ZNF385D: variants seen among roughly 807,000 people sequenced by gnomAD.
ZNF385D encodes zinc finger protein 385D.
ZNF385D carries 15 observed loss-of-function variants against 35.8 expected under a neutral mutation model. The ratio of observed to expected loss-of-function variants is 0.42; its 90% CI spans 0.28 to 0.64. ZNF385D has a LOEUF of 0.64. ZNF385D is among the 30% of genes least tolerant of loss of function. ZNF385D has a pLI of 0.23. For synonymous variants in ZNF385D, 212 were observed against 186.8 expected, an observed-to-expected ratio of 1.13 and a Z score of -1.10; for missense variants, 474 against 494.6, an observed-to-expected ratio of 0.96 and a Z score of 0.39.
At chr3:22,025,158 C>A (rs559849313) in intron 3 of ZNF385D, among the ~76,000 whole-genome samples, 1 of 152,134 alleles carries the variant, frequency 6.6e-6, no homozygotes, top group Non-Finnish European at 1.5e-5. Flanking sequence ...GAAGGAACAG[C>A]TTCCCCATCC....
At chr3:21,793,490 C>T (rs778960057) in intron 3 of ZNF385D, among the ~76,000 whole-genome samples, 1 of 152,162 alleles carries the variant, frequency 6.6e-6, no homozygotes, top group South Asian at 2.1e-4. Flanking sequence ...TTAGAATTTG[C>T]ATTTTAACAA....
At chr3:22,158,528 G>A (rs1471272383) in intron 3 of ZNF385D, among the ~76,000 whole-genome samples, 3 of 151,856 alleles carry the variant, frequency 2.0e-5, no homozygotes, top group African/African-American at 7.3e-5. Context: ...AAATACTATC[G>A]CAATTTTGGA....
chr3:22,272,175 T>C (rs1385680834), intron 2 of ZNF385D, among the ~76,000 whole-genome samples: 1 of 152,074 alleles, frequency 6.6e-6, no homozygotes, highest in Admixed American at 6.6e-5. Flanking sequence ...AGCAAGCCAG[T>C]AATAACGACG....
intron 1 of ZNF385D, among the ~76,000 whole-genome samples, chr3:21,741,593 C>G (rs2069517600): frequency 6.6e-6 from 1 of 151,342 alleles, no homozygotes; most frequent in Non-Finnish European, 1.5e-5. Context: ...GGGAGAAATC[C>G]TAATAATTCT....
chr3:21,874,795 A>G (rs1416600659), intron 3 of ZNF385D, among the ~76,000 whole-genome samples: 1 of 152,080 alleles, frequency 6.6e-6, no homozygotes, highest in Non-Finnish European at 1.5e-5. Flanking sequence ...ATTTTAATTG[A>G]GATTGCACTG....
chr3:21,746,874 T>G lies in ZNF385D; in HGVS notation c.22+4021A>C, dbSNP rs181350335. Among the ~76,000 whole-genome samples, 4 of 152,268 alleles carry G rather than the reference T, an allele frequency of 2.6e-5. No individual in the cohort carries two copies. The East Asian group carries it at 7.7e-4, about 29-fold the overall frequency. On this transcript the variant is annotated intron_variant, in intron 1 of 7. Transcript: ENST00000281523. ...TTAAATATTTTTCTAACACACTAGT[T>G]TGGAGGTGAACTTGATGGTCCAGCT...
intron 3 of ZNF385D, among the ~76,000 whole-genome samples, chr3:21,799,305 T>C (rs1180869831): frequency 1.3e-5 from 2 of 152,188 alleles, no homozygotes; most frequent in Non-Finnish European, 2.9e-5. Context: ...GGGATCTACC[T>C]AAGAGTGGAA....
At chr3:22,045,544 A>C (rs1698942992) in intron 3 of ZNF385D, among the ~76,000 whole-genome samples, 1 of 152,124 alleles carries the variant, frequency 6.6e-6, no homozygotes, top group Admixed American at 6.6e-5. Context: ...AGGTATTTAG[A>C]AATTCAGGTG....
chr3:22,111,185 T>TTTTTTTTTTG (rs1559377211), intron 3 of ZNF385D, among the ~76,000 whole-genome samples: 1 of 122,096 alleles, frequency 8.2e-6, no homozygotes. Flanking sequence ...TTGTTTTTTT[T>TTTTTTTTTTG]GTACTCTCAG....
intron 2 of ZNF385D, among the ~76,000 whole-genome samples, chr3:21,583,937 A>G (rs1327494315): frequency 7.7e-6 from 1 of 129,298 alleles, no homozygotes; most frequent in Non-Finnish European, 1.7e-5. Context: ...ATACTTACAC[A>G]TGTATTTATT....
At chr3:21,979,318 T>C (rs1390542792) in intron 3 of ZNF385D, among the ~76,000 whole-genome samples, 1 of 152,198 alleles carries the variant, frequency 6.6e-6, no homozygotes, top group Non-Finnish European at 1.5e-5. Context: ...CATGTCACTA[T>C]TAATCATAAC....
intron 2 of ZNF385D, among the ~76,000 whole-genome samples, chr3:21,599,619 T>G (rs556036086): frequency 3.3e-5 from 5 of 152,276 alleles, no homozygotes; most frequent in African/African-American, 1.2e-4. Flanking sequence ...CCTGGAGAGG[T>G]TATTTCCTTA....
At chr3:21,621,367 T>C (rs1345389331) in intron 2 of ZNF385D, among the ~76,000 whole-genome samples, 2 of 152,268 alleles carry the variant, frequency 1.3e-5, no homozygotes, top group East Asian at 3.9e-4. Context: ...AACATTCTTC[T>C]GTAAAGAATA....
chr3:21,965,381 T>A (rs1372112940), intron 3 of ZNF385D, among the ~76,000 whole-genome samples: 1 of 152,068 alleles, frequency 6.6e-6, no homozygotes. Context: ...GAAACACAAA[T>A]GAGCAAGACA....
At chr3:21,996,071 C>G (rs1695446743) in intron 3 of ZNF385D, among the ~76,000 whole-genome samples, 1 of 151,954 alleles carries the variant, frequency 6.6e-6, no homozygotes, top group Non-Finnish European at 1.5e-5. Flanking sequence ...CTATTGTGCC[C>G]CAGGGTAGGA....
chr3:21,679,633 T>C (rs1283338025), intron 1 of ZNF385D, among the ~76,000 whole-genome samples: 6 of 152,014 alleles, frequency 3.9e-5, no homozygotes, highest in Admixed American at 3.9e-4. Context: ...TTCAATGTGC[T>C]CATTGTGAGA....
chr3:22,053,256 G>T (rs1413942169), intron 3 of ZNF385D, among the ~76,000 whole-genome samples: 1 of 81,290 alleles, frequency 1.2e-5, no homozygotes, highest in East Asian at 5.7e-4. Flanking sequence ...CAGAAGGCAA[G>T]AAATAACTAA....
intron 3 of ZNF385D, among the ~76,000 whole-genome samples, chr3:21,925,952 G>A (rs1345577062): frequency 6.6e-6 from 1 of 152,048 alleles, no homozygotes; most frequent in East Asian, 1.9e-4. Flanking sequence ...CTATCAGAAT[G>A]GCTAAGTAAA....
At chr3:21,728,279 T>TTTA (rs1553645856) in intron 1 of ZNF385D, among the ~76,000 whole-genome samples, 1 of 144,866 alleles carries the variant, frequency 6.9e-6, no homozygotes, top group African/African-American at 2.5e-5. Flanking sequence ...GAACTTAAAG[T>TTTA]ATAATAATAA....
Sources: gnomAD v4.1 joint callset for allele counts (sites outside exome capture counted in the v4.1 genomes callset) on GRCh38, gnomAD v4.1.1 for gene constraint, MANE v1.5 for transcripts, NCBI Gene and HGNC (gene_info 2026-07-23, HGNC 2026-07-21) for gene names.